The following DOCK2 variants were observed in gnomAD, a reference collection of about 807,000 sequenced individuals.
DOCK2 encodes the protein dedicator of cytokinesis 2, also known as dedicator of cytokinesis protein 2.
Under a neutral mutation model 248.9 loss-of-function variants are expected in DOCK2, and 87 were observed. That is an observed-to-expected ratio of 0.35 (90% CI 0.29 to 0.42). The LOEUF is 0.42. DOCK2 is among the 10% of genes least tolerant of loss of function. DOCK2 has a pLI of 1.00. For synonymous variants in DOCK2, 805 were observed against 821.6 expected (o/e 0.98, Z 0.35); for missense variants, 1,747 against 2,300.2 (o/e 0.76, Z 4.92).
chr5:170,081,832 C>G lies in DOCK2; in HGVS notation c.5288-10C>G. 6.2e-7 allele frequency: 1 copy of G among 1,606,464 alleles called. No homozygotes were observed. The highest frequency in any genetic ancestry group is 8.5e-7 in the Non-Finnish European group (1 of 1,176,500). On this transcript the variant is annotated splice_polypyrimidine_tract_variant and intron_variant, in intron 50 of 51. Coordinates refer to ENST00000520908, the MANE Select transcript of DOCK2 (RefSeq NM_004946.3). ...CACCCATTCACACCCCAGCTCTGCT[C>G]TCCTTCCAGCCCTGGCGCTCTCAGT...
chr5:169,996,920 G>A (rs2113798795), intron 30 of DOCK2, among the ~76,000 whole-genome samples: 1 of 152,174 alleles, frequency 6.6e-6, no homozygotes, highest in East Asian at 1.9e-4. Context: ...TTTCTCGTAA[G>A]GTGGGACGAG....
At chr5:169,762,056 A>C (rs1764515457) in intron 25 of DOCK2, among the ~76,000 whole-genome samples, 1 of 152,202 alleles carries the variant, frequency 6.6e-6, no homozygotes, top group South Asian at 2.1e-4. Context: ...ATTGAGTAGG[A>C]ATTAACATTT....
chr5:169,919,785 C>T (rs550153963), intron 27 of DOCK2, among the ~76,000 whole-genome samples: 71 of 152,156 alleles, frequency 4.7e-4, no homozygotes, highest in Non-Finnish European at 8.5e-4. Context: ...AACCCTTATT[C>T]TTCCCTGGAG....
Position 170,001,253 on chromosome 5 carries a change from A to AT in DOCK2, c.3072+5098dup, listed in dbSNP as rs377351469. Among the ~76,000 whole-genome samples, 69 of 151,766 alleles carry AT rather than the reference A, an allele frequency of 4.5e-4. 1 individual carries two copies. The South Asian group carries it at 5.2e-3, about 11-fold the overall frequency. On this transcript the variant is annotated intron_variant, in intron 30 of 51. Coordinates refer to ENST00000520908, the MANE Select transcript of DOCK2 (RefSeq NM_004946.3). ...TTTCAGCACCACTGCATGCTGGTTA[A>AT]TTTTTTTTTATTGAAATTTGGGATA...
chr5:169,948,613 A>T (rs1220637026), intron 27 of DOCK2, among the ~76,000 whole-genome samples: 1 of 135,948 alleles, frequency 7.4e-6, no homozygotes, highest in South Asian at 2.5e-4. Flanking sequence ...TCCACAATTA[A>T]TTTTTTTTTT....
chr5:169,934,422 C>A (rs1775893740), intron 27 of DOCK2, among the ~76,000 whole-genome samples: 1 of 152,170 alleles, frequency 6.6e-6, no homozygotes, highest in Non-Finnish European at 1.5e-5. Context: ...GAATCACAAA[C>A]CCTCAAGGGC....
chr5:169,900,253 G>A (rs1296718383), intron 27 of DOCK2, among the ~76,000 whole-genome samples: 1 of 152,168 alleles, frequency 6.6e-6, no homozygotes, highest in East Asian at 1.9e-4. Context: ...AACCTGTTGG[G>A]ACCTTTAGAC....
At chr5:169,746,070 T>C (rs1186333474) in intron 22 of DOCK2, among the ~76,000 whole-genome samples, 1 of 152,142 alleles carries the variant, frequency 6.6e-6, no homozygotes, top group African/African-American at 2.4e-5. Flanking sequence ...CAGCACTGAC[T>C]TCACTTATGC....
chr5:170,033,458 C>T (rs1278247348), intron 34 of DOCK2, among the ~76,000 whole-genome samples: 1 of 152,170 alleles, frequency 6.6e-6, no homozygotes, highest in African/African-American at 2.4e-5. Flanking sequence ...TTGTTGGAAA[C>T]AGCCATCACT....
At chr5:170,049,627 T>C (rs1756843521) in intron 40 of DOCK2, among the ~76,000 whole-genome samples, 1 of 152,230 alleles carries the variant, frequency 6.6e-6, no homozygotes, top group Admixed American at 6.5e-5. Flanking sequence ...TGTGGGGCTG[T>C]GCTATGCATC....
Position 169,764,570 on chromosome 5 carries a change from G to A in DOCK2, c.2554+2945G>A, listed in dbSNP as rs1371290254. Among the ~76,000 whole-genome samples, 2 of 152,210 alleles carry A rather than the reference G, an allele frequency of 1.3e-5. No homozygotes were observed. The highest frequency in any genetic ancestry group is 2.9e-5 in the Non-Finnish European group (2 of 68,030). ...GGTGATAGTGTGGGCTAATGAGATG[G>A]ATGATGCATTTAAAGTACTTGACAC... is the stretch of plus-strand genomic sequence containing the variant. On this transcript the variant is annotated intron_variant, in intron 25 of 51. Transcript: ENST00000520908. This position sits in a 1 kb window ranked among gnomAD's most constrained non-coding sequence, Gnocchi z 4.3.
chr5:170,048,244 T>C (rs965581803), intron 40 of DOCK2, among the ~76,000 whole-genome samples: 2 of 151,784 alleles, frequency 1.3e-5, no homozygotes, highest in African/African-American at 4.8e-5. Context: ...ATACAAAAAT[T>C]AGCTGGGCGT....
At chr5:170,034,674 A>G in intron 35 of DOCK2, 119 bp downstream of exon 35, 15 of 1,381,736 alleles carry the variant, frequency 1.1e-5, no homozygotes, top group Non-Finnish European at 1.4e-5. Context: ...TGGAAAGCAG[A>G]CAAATGTGGA....
In DOCK2 at chr5:169,726,114, C is replaced by T. The variant is rs1581101489; in HGVS notation, c.2267+7323C>T. On this transcript the variant is annotated intron_variant, in intron 22 of 51. Transcript: ENST00000520908. Reference sequence around the variant, plus strand: ...TCCACAATGATTGAACTAATTTACACTCCCACCAAGAGTGTAAAAGTGTTC... The same window carrying T: ...TCCACAATGATTGAACTAATTTACATTCCCACCAAGAGTGTAAAAGTGTTC... Among the ~76,000 whole-genome samples the T allele has an allele frequency of 2.0e-5, 3 of 152,270 alleles. No individual in the cohort carries two copies. In the East Asian group the frequency reaches 5.8e-4, roughly 29 times the overall value.
intron 1 of DOCK2, among the ~76,000 whole-genome samples, chr5:169,649,429 T>G (rs1196960145): frequency 2.0e-5 from 3 of 152,214 alleles, no homozygotes; most frequent in Non-Finnish European, 1.5e-5. Context: ...CTGCCCTTCA[T>G]GTTCATTCAC....
intron 32 of DOCK2, among the ~76,000 whole-genome samples, chr5:170,011,270 G>A (rs1156652834): frequency 6.6e-6 from 1 of 152,172 alleles, no homozygotes; most frequent in Non-Finnish European, 1.5e-5. Context: ...GGAAGCAACT[G>A]ATCTGGTCCA....
At chr5:170,078,395 C>A (rs1454907888) in intron 48 of DOCK2, among the ~76,000 whole-genome samples, 1 of 152,178 alleles carries the variant, frequency 6.6e-6, no homozygotes, top group Non-Finnish European at 1.5e-5. Context: ...AGGATGGAAA[C>A]GTCTTCTGTT....
At chr5:169,671,666 A>T (rs1053368058) in intron 5 of DOCK2, among the ~76,000 whole-genome samples, 4 of 152,222 alleles carry the variant, frequency 2.6e-5, no homozygotes, top group African/African-American at 9.6e-5. Flanking sequence ...TTTTGAAGCA[A>T]ATCTAATTTT....
At chr5:169,830,977 C>T (rs1210761682) in intron 26 of DOCK2, among the ~76,000 whole-genome samples, 2 of 152,184 alleles carry the variant, frequency 1.3e-5, no homozygotes, top group Admixed American at 1.3e-4. Flanking sequence ...TGTATCCACT[C>T]AGTCCCCTGT....
Sources: gnomAD v4.1 joint callset for allele counts (sites outside exome capture counted in the v4.1 genomes callset) on GRCh38, gnomAD v4.1.1 for gene constraint, Gnocchi (gnomAD v3.1) non-coding constraint, MANE v1.5 for transcripts, NCBI Gene and HGNC (gene_info 2026-07-23, HGNC 2026-07-21) for gene names.